The following LMX1B variants were observed in gnomAD, a reference collection of about 807,000 sequenced individuals.
The protein encoded by LMX1B is LIM homeobox transcription factor 1 beta.
Under a neutral mutation model 51.4 loss-of-function variants are expected in LMX1B, and 12 were observed. The observed-to-expected ratio is 0.23, with a 90% confidence interval of 0.15 to 0.38. The LOEUF is 0.38. Among genes scored for constraint, LMX1B ranks in the 10% least tolerant of loss-of-function variants. LMX1B has a pLI of 1.00. For synonymous variants in LMX1B, 237 were observed against 235.4 expected (o/e 1.01, Z -0.06); for missense variants, 445 against 571.1 (o/e 0.78, Z 2.25).
Position 126,691,054 on chromosome 9 carries a change from A to C in LMX1B, c.545A>C (p.Asp182Ala), listed in dbSNP as rs1328197956. The stretch of plus-strand genomic sequence containing the variant: ...GACCTGCTCAGCTCCGTGAGCCCCG[A>C]CGAGTCCGACTCCGGTGAGGCCTGG... Reference protein sequence around the residue: ...EKDLLSSVSPDESDSVKSEDE... With the variant: ...EKDLLSSVSPAESDSVKSEDE... The change falls in exon 3 of 8, where the codon GAC (aspartate) becomes GCC (alanine). Residue 182 changes from aspartate to alanine, a missense_variant. Coordinates refer to ENST00000373474, the MANE Select transcript of LMX1B (RefSeq NM_001174147.2). 1 of 1,611,056 alleles carries C rather than the reference A, an allele frequency of 6.2e-7. No homozygotes were observed. Among genetic ancestry groups the C allele is most frequent in the Non-Finnish European group, 8.5e-7 (1 of 1,178,520 alleles).
rs1441265449 is a variant in LMX1B, at chr9:126,626,869, G to C, written c.326+11300G>C. Among the ~76,000 whole-genome samples, 1 of 152,204 alleles carries C rather than the reference G, an allele frequency of 6.6e-6. No homozygotes were observed. The highest frequency in any genetic ancestry group is 1.5e-5 in the Non-Finnish European group (1 of 68,038). On this transcript the variant is annotated intron_variant, in intron 2 of 7. Transcript: ENST00000373474. The surrounding 1 kb of genome is among the most constrained non-coding windows in gnomAD (Gnocchi z 4.3). ...CGCGGGAACCGGCCGAGTTCAGAGG[G>C]ACAGTGGGCCGAAGGGCGGCCTAAG...
chr9:126,615,761 T>A lies in LMX1B; in HGVS notation c.326+192T>A, dbSNP rs1588258389. On this transcript the variant is annotated intron_variant, in intron 2 of 7. Transcript: ENST00000373474. This position sits in a 1 kb window ranked among gnomAD's most constrained non-coding sequence, Gnocchi z 6.0. ...CCCAGCCCAGCGGGCACTGATGGGG[T>A]CCTGGGAGCCTCCGGACGGCCCCCA... 6.6e-6 allele frequency among the ~76,000 whole-genome samples: 1 copy of A among 151,874 alleles called. No homozygotes were observed. Among genetic ancestry groups the A allele is most frequent in the East Asian group, 2.0e-4 (1 of 5,128 alleles).
At chr9:126,650,464 G>T (rs1272166776) in intron 2 of LMX1B, among the ~76,000 whole-genome samples, 3 of 152,228 alleles carry the variant, frequency 2.0e-5, no homozygotes, top group Non-Finnish European at 2.9e-5. Flanking sequence ...CCTCCCTGGG[G>T]ACGATAAAGG....
intron 2 of LMX1B, among the ~76,000 whole-genome samples, chr9:126,669,748 TC>T (rs1836415968): frequency 2.6e-5 from 4 of 151,944 alleles, no homozygotes; most frequent in Admixed American, 2.6e-4. Context: ...AAGGTATGTG[TC>T]CATGGGATGA....
chr9:126,638,239 T>C (rs1267148240), intron 2 of LMX1B, among the ~76,000 whole-genome samples: 1 of 152,152 alleles, frequency 6.6e-6, no homozygotes, highest in Non-Finnish European at 1.5e-5. Flanking sequence ...GGTGCCCTGC[T>C]GCTGTGCCCT....
rs963958569 is a variant in LMX1B at position 126,677,781 on chromosome 9, A to G, written c.327-13055A>G. 1.3e-5 allele frequency among the ~76,000 whole-genome samples: 2 copies of G among 152,198 alleles called. No homozygotes were observed. Among genetic ancestry groups the G allele is most frequent in the African/African-American group, 4.8e-5 (2 of 41,446 alleles). ...AAACATTCGAGCAGGAGCACAGGGCATGTACTCAGGGCATTGCGGGGAGGA... is the reference window on the plus strand; with the variant it reads ...AAACATTCGAGCAGGAGCACAGGGCGTGTACTCAGGGCATTGCGGGGAGGA... On this transcript the variant is annotated intron_variant, in intron 2 of 7. Coordinates refer to ENST00000373474, the MANE Select transcript of LMX1B (RefSeq NM_001174147.2). This position sits in a 1 kb window ranked among gnomAD's most constrained non-coding sequence, Gnocchi z 5.0.
At chr9:126,645,112 C>A (rs1394085150) in intron 2 of LMX1B, among the ~76,000 whole-genome samples, 1 of 152,154 alleles carries the variant, frequency 6.6e-6, no homozygotes, top group African/African-American at 2.4e-5. Flanking sequence ...GGCTGGGTTC[C>A]CCCCCTACCA....
At chr9:126,624,508 C>G (rs1245477183) in intron 2 of LMX1B, among the ~76,000 whole-genome samples, 1 of 152,184 alleles carries the variant, frequency 6.6e-6, no homozygotes, top group East Asian at 1.9e-4. Flanking sequence ...ATCTAAGACC[C>G]TTTTCCCGCC....
rs1835534339 is a variant in LMX1B at position 126,626,476 on chromosome 9, C to T, written c.326+10907C>T. ...GGATTCGCTGCCATTAAGTATGGGACGGGCAGGCGAGAGCGGGGAAGGGGA... is the reference window on the plus strand; with the variant it reads ...GGATTCGCTGCCATTAAGTATGGGATGGGCAGGCGAGAGCGGGGAAGGGGA... On this transcript the variant is annotated intron_variant, in intron 2 of 7. Coordinates refer to ENST00000373474, the MANE Select transcript of LMX1B (RefSeq NM_001174147.2). The surrounding 1 kb of genome is among the most constrained non-coding windows in gnomAD (Gnocchi z 4.3). Among the ~76,000 whole-genome samples, 1 of 152,078 alleles carries T rather than the reference C, an allele frequency of 6.6e-6. No homozygotes were observed. The highest frequency in any genetic ancestry group is 6.5e-5 in the Admixed American group (1 of 15,274).
In LMX1B at chr9:126,696,016, A is replaced by ACGGGGGGC; in HGVS notation, c.1051+14_1051+15insGGGGGGCC. On this transcript the variant is annotated intron_variant, in intron 7 of 7. Transcript: ENST00000373474. Reference sequence around the variant, plus strand: ...ATGAACCCCTATGGTAAGCCGCCCTACCCCCACCCGCCCGCCCCAGCACAG... The same window carrying ACGGGGGGC: ...ATGAACCCCTATGGTAAGCCGCCCTACGGGGGGCCCCCCACCCGCCCGCCCCAGCACAG... 2.0e-6 allele frequency: 3 copies of ACGGGGGGC among 1,512,684 alleles called. No individual in the cohort carries two copies. Among genetic ancestry groups the ACGGGGGGC allele is most frequent in the Non-Finnish European group, 2.7e-6 (3 of 1,131,780 alleles). 93.7% of individuals were successfully genotyped at this position (1,512,684 alleles called of 1,614,324 possible). A position where few individuals can be genotyped will look rare whatever the true frequency, so the allele number is the denominator to read the frequency against.
At chr9:126,634,036 C>T (rs564903610) in intron 2 of LMX1B, among the ~76,000 whole-genome samples, 31 of 151,886 alleles carry the variant, frequency 2.0e-4, no homozygotes, top group Non-Finnish European at 3.5e-4. Flanking sequence ...ATGTACTCAG[C>T]GAATGTTTGG....
chr9:126,691,155 C>T (rs905242076), intron 3 of LMX1B, 87 bp downstream of exon 3: 6 of 983,594 alleles, frequency 6.1e-6, no homozygotes, highest in Non-Finnish European at 9.3e-6. Flanking sequence ...GAGAAGCCAC[C>T]TCCTGCTTCC....
In LMX1B at chr9:126,700,752, G is replaced by T. The variant is rs2030516080; in HGVS notation, c.*4301G>T. 6.6e-6 allele frequency: 1 copy of T among 152,218 alleles called. No individual in the cohort carries two copies. The highest frequency in any genetic ancestry group is 1.5e-5 in the Non-Finnish European group (1 of 68,050). 9.4% of individuals were successfully genotyped at this position (152,218 alleles called of 1,614,324 possible). ...GCTGGTTCCCCCGACCCCACCTGGG[G>T]GTCCCATGGGAGCCCAGCCCAGCCA... On this transcript the variant is annotated 3_prime_UTR_variant, in exon 8 of 8. Coordinates refer to ENST00000373474, the MANE Select transcript of LMX1B (RefSeq NM_001174147.2).
chr9:126,690,986 G>A lies in LMX1B; in HGVS notation c.477G>A (p.Lys159=), dbSNP rs2030108357. The part of the protein sequence containing the change: ...QLRKGDEFVL[K]EGQLLCKGDY... Reference sequence around the variant, plus strand: ...GCAAGGGCGACGAATTCGTGCTCAAGGAGGGCCAGCTGCTGTGCAAGGGTG... The same window carrying A: ...GCAAGGGCGACGAATTCGTGCTCAAAGAGGGCCAGCTGCTGTGCAAGGGTG... The change falls in exon 3 of 8, where the codon AAG becomes AAA. Residue 159 remains lysine (K), a synonymous_variant. Transcript: ENST00000373474. 1 of 1,613,988 alleles carries A rather than the reference G, an allele frequency of 6.2e-7. No homozygotes were observed. Among genetic ancestry groups the A allele is most frequent in the African/African-American group, 1.3e-5 (1 of 74,940 alleles).
intron 2 of LMX1B, among the ~76,000 whole-genome samples, chr9:126,655,379 G>C (rs976715953): frequency 6.6e-6 from 1 of 152,178 alleles, no homozygotes; most frequent in Non-Finnish European, 1.5e-5. Flanking sequence ...TGCCGGTGGG[G>C]GTGAGGGAGC....
chr9:126,620,335 A>G (rs1835383905), intron 2 of LMX1B, among the ~76,000 whole-genome samples: 2 of 152,174 alleles, frequency 1.3e-5, no homozygotes. Context: ...CAGCTGTGTG[A>G]TCTTCGCTAA....
intron 2 of LMX1B, among the ~76,000 whole-genome samples, chr9:126,689,774 C>T (rs35304809): frequency 0.095 from 14,515 of 152,286 alleles, 1,054 homozygotes; most frequent in East Asian, 0.34. Context: ...GGATTAGGCC[C>T]AGCCTGGGAG....
At chr9:126,620,341 G>A (rs978128873) in intron 2 of LMX1B, among the ~76,000 whole-genome samples, 3 of 152,188 alleles carry the variant, frequency 2.0e-5, no homozygotes, top group African/African-American at 7.2e-5. Context: ...TGTGATCTTC[G>A]CTAAGTGGTT....
intron 2 of LMX1B, among the ~76,000 whole-genome samples, chr9:126,675,423 A>T (rs1836535775): frequency 6.6e-6 from 1 of 152,234 alleles, no homozygotes; most frequent in African/African-American, 2.4e-5. Context: ...CAAATTCAAT[A>T]ATTTTTAAGA....
Sources: gnomAD v4.1 joint callset for allele counts (sites outside exome capture counted in the v4.1 genomes callset) on GRCh38, gnomAD v4.1.1 for gene constraint, Gnocchi (gnomAD v3.1) non-coding constraint, MANE v1.5 for transcripts, NCBI Gene and HGNC (gene_info 2026-07-23, HGNC 2026-07-21) for gene names.